Variants in PLA2R1 observed in about 807,000 individuals in gnomAD.
PLA2R1 encodes the protein phospholipase A2 receptor 1.
A neutral mutation model predicts 195.9 loss-of-function variants in PLA2R1; 158 were observed. That is an observed-to-expected ratio of 0.81 (90% confidence interval 0.71 to 0.92). PLA2R1 has a LOEUF of 0.92. PLA2R1 is among the 40% of genes least tolerant of loss of function. PLA2R1 has a pLI of 0.00. For synonymous variants in PLA2R1, 586 were observed against 598.2 expected, an observed-to-expected ratio of 0.98 and a Z score of 0.30; for missense variants, 1,626 against 1,764.6, an observed-to-expected ratio of 0.92 and a Z score of 1.41.
chr2:159,993,262 T>C (rs1690959182), intron 11 of PLA2R1, among the ~76,000 whole-genome samples: 1 of 152,082 alleles, frequency 6.6e-6, no homozygotes, highest in Non-Finnish European at 1.5e-5. Flanking sequence ...ATTTCATTTC[T>C]CTTGAAATAC....
intron 9 of PLA2R1, among the ~76,000 whole-genome samples, chr2:160,013,675 T>TTCTC (rs1194944207): frequency 1.4e-4 from 9 of 65,720 alleles, no homozygotes; most frequent in East Asian, 9.7e-4. Flanking sequence ...ACCTCTCTCT[T>TTCTC]TCTCTCTCTC....
At chr2:160,043,253 C>T (rs1458881480) in intron 2 of PLA2R1, among the ~76,000 whole-genome samples, 2 of 151,790 alleles carry the variant, frequency 1.3e-5, no homozygotes, top group Non-Finnish European at 2.9e-5. Context: ...CCACTGATGC[C>T]CTGTTTGCAA....
chr2:160,039,028 A>C (rs932481564), intron 3 of PLA2R1, among the ~76,000 whole-genome samples: 1 of 151,958 alleles, frequency 6.6e-6, no homozygotes, highest in African/African-American at 2.4e-5. Context: ...CACCACACCC[A>C]GCTAATTTTG....
chr2:160,022,829 TG>T lies in PLA2R1; in HGVS notation c.1129del (p.His377ThrfsTer37). 3 of 1,604,590 alleles carry T rather than the reference TG, an allele frequency of 1.9e-6. No homozygotes were observed. Among genetic ancestry groups the T allele is most frequent in the Non-Finnish European group, 8.5e-7 (1 of 1,176,826 alleles). Reference protein sequence around the residue: ...EKDAWKYYATHCEPGWNPYNR... With the variant: ...EKDAWKYYATXCEPGWNPYNR... The stretch of plus-strand genomic sequence containing the variant: ...GTAGGGATTCCAGCCAGGCTCACAG[TG>T]GGTAGCATAATATTTCCACGCATCT... On this transcript the variant is annotated frameshift_variant, in exon 7 of 30. Transcript: ENST00000283243. LOFTEE classifies it high-confidence loss of function.
intron 8 of PLA2R1, among the ~76,000 whole-genome samples, chr2:160,018,763 G>A: frequency 6.6e-6 from 1 of 152,228 alleles, no homozygotes; most frequent in East Asian, 1.9e-4. Context: ...GCCTTAGCAT[G>A]TATAATTGTT....
At chr2:160,017,904 C>T (rs1273700697) in intron 8 of PLA2R1, among the ~76,000 whole-genome samples, 1 of 152,124 alleles carries the variant, frequency 6.6e-6, no homozygotes, top group Non-Finnish European at 1.5e-5. Flanking sequence ...TGGAGTCTTC[C>T]AGCAAACAAT....
At chr2:159,957,866 G>GCTTT (rs1688190547) in intron 20 of PLA2R1, among the ~76,000 whole-genome samples, 1 of 152,166 alleles carries the variant, frequency 6.6e-6, no homozygotes, top group Non-Finnish European at 1.5e-5. Context: ...GAAACTTTAT[G>GCTTT]CAAAGGATGT....
At chr2:160,000,976 T>TG (rs1344196556) in intron 11 of PLA2R1, among the ~76,000 whole-genome samples, 2 of 152,110 alleles carry the variant, frequency 1.3e-5, no homozygotes, top group African/African-American at 4.8e-5. Context: ...AGGCAGTATT[T>TG]GAAGAGATAA....
At chr2:159,963,268 T>C (rs368907088) in intron 20 of PLA2R1, among the ~76,000 whole-genome samples, 28 of 152,296 alleles carry the variant, frequency 1.8e-4, no homozygotes, top group African/African-American at 6.5e-4. Flanking sequence ...TAAATATAAA[T>C]GCTAAAACCA....
downstream of PLA2R1, among the ~76,000 whole-genome samples, chr2:159,928,089 G>A (rs1560116766): frequency 6.6e-6 from 1 of 152,172 alleles, no homozygotes; most frequent in Admixed American, 6.5e-5. Context: ...TTATGTCTCA[G>A]GCCTGGTTCC....
At position 160,006,372 on chromosome 2, in the gene PLA2R1, T is replaced by C. The variant is rs557387350; in HGVS notation, c.1665-551A>G. ...AAATCAGTGTGTTCATAGGCAGAGG[T>C]AGGTCTCAGCTTATTCAAATGTGTT... On this transcript the variant is annotated intron_variant, in intron 10 of 29. Coordinates refer to ENST00000283243, the MANE Select transcript of PLA2R1 (RefSeq NM_007366.5). Among the ~76,000 whole-genome samples the C allele has an allele frequency of 7.2e-5, 11 of 152,336 alleles. No individual in the cohort carries two copies. In the South Asian group the frequency reaches 1.5e-3, roughly 20 times the overall value.
At chr2:159,980,043 C>A (rs1252542112) in intron 13 of PLA2R1, 129 bp from the exon 14 acceptor site, 3 of 428,290 alleles carry the variant, frequency 7.0e-6, no homozygotes, top group South Asian at 6.5e-5. Context: ...CACATGTACC[C>A]TAAAACTTAA....
chr2:159,996,614 A>G (rs1691228281), intron 11 of PLA2R1, among the ~76,000 whole-genome samples: 1 of 152,030 alleles, frequency 6.6e-6, no homozygotes, highest in Non-Finnish European at 1.5e-5. Flanking sequence ...CTCAGTTATT[A>G]TTGCTTCAAA....
intron 11 of PLA2R1, among the ~76,000 whole-genome samples, chr2:159,989,050 A>C (rs1487832604): frequency 1.3e-5 from 2 of 152,192 alleles, no homozygotes; most frequent in South Asian, 2.1e-4. Flanking sequence ...CTCAAAGGTA[A>C]AAATGTCCAG....
the PLA2R1 span, among the ~76,000 whole-genome samples, chr2:159,925,135 C>T: frequency 6.6e-6 from 1 of 152,140 alleles, no homozygotes; most frequent in Non-Finnish European, 1.5e-5. Flanking sequence ...GCTCCTCTCA[C>T]CTGTATACCT....
At position 159,934,172 on chromosome 2, in the gene PLA2R1, T is replaced by C. The variant is rs1351469349; in HGVS notation, c.*7606A>G. 6.6e-6 allele frequency: 1 copy of C among 152,236 alleles called. No individual in the cohort carries two copies. The highest frequency in any genetic ancestry group is 1.9e-4 in the East Asian group (1 of 5,198). The allele number at this position is 152,236 out of a possible 1,614,324, so 9.4% of individuals were successfully genotyped here. On this transcript the variant is annotated 3_prime_UTR_variant, in exon 30 of 30. Coordinates refer to ENST00000283243, the MANE Select transcript of PLA2R1 (RefSeq NM_007366.5). ...GCCATTTTGGAAATGTCTCCAAATT[T>C]TTCTTCTCCAAGAACAAAATGGAAA...
chr2:160,009,046 C>G (rs767547622), intron 10 of PLA2R1, among the ~76,000 whole-genome samples: 7 of 152,138 alleles, frequency 4.6e-5, no homozygotes, highest in Non-Finnish European at 8.8e-5. Flanking sequence ...ACAAAACAAC[C>G]AGATAATAGT....
intron 4 of PLA2R1, 121 bp downstream of exon 4, chr2:160,032,838 A>T: frequency 1.2e-6 from 1 of 834,192 alleles, no homozygotes; most frequent in Non-Finnish European, 1.9e-6. Flanking sequence ...TTTGGGCCAT[A>T]TTATGGAAAG....
At chr2:159,992,239 GT>G (rs1245384215) in intron 11 of PLA2R1, among the ~76,000 whole-genome samples, 1 of 151,884 alleles carries the variant, frequency 6.6e-6, no homozygotes, top group Non-Finnish European at 1.5e-5. Flanking sequence ...TTTTTCATGT[GT>G]TTTTTGGCTG....
Sources: allele counts gnomAD v4.1 joint callset (sites outside exome capture counted in the v4.1 genomes callset), GRCh38; gene constraint gnomAD v4.1.1; transcripts MANE v1.5; gene names NCBI Gene and HGNC (gene_info 2026-07-23, HGNC 2026-07-21).